RSU1: variants seen among roughly 807,000 people sequenced by gnomAD.
The protein encoded by RSU1 is rsu-1.
A neutral mutation model predicts 31.1 loss-of-function variants in RSU1; 26 were observed. That is an observed-to-expected ratio of 0.84 (90% CI 0.61 to 1.16). The LOEUF is 1.16. Ranked by LOEUF, RSU1 falls within the 50% of genes most tolerant of loss-of-function variation. The pLI is 0.00. For synonymous variants in RSU1, 164 were observed against 136.3 expected, an observed-to-expected ratio of 1.20 and a Z score of -1.41; for missense variants, 320 against 339.1, an observed-to-expected ratio of 0.94 and a Z score of 0.44.
chr10:16,726,267 CTTTTT>C lies in RSU1; in HGVS notation c.598+26267_598+26271del, dbSNP rs760586484. Among the ~76,000 whole-genome samples the C allele has an allele frequency of 6.9e-4, 94 of 137,082 alleles. 1 individual carries two copies. Among genetic ancestry groups the C allele is most frequent in the African/African-American group, 2.5e-3 (83 of 33,796 alleles). 89.9% of individuals were successfully genotyped at this position (137,082 alleles called of 152,430 possible). On this transcript the variant is annotated intron_variant, in intron 7 of 8. Transcript: ENST00000345264. ...CTTTCTGTCTATCTTAGGAACGTATCTTTTTTTTTTTTTTTTTTTGAGACAGAGTC... is the reference window on the plus strand; with the variant it reads ...CTTTCTGTCTATCTTAGGAACGTATCTTTTTTTTTTTTTTGAGACAGAGTC...
At chr10:16,782,197 T>C (rs932953443) in intron 2 of RSU1, 113 bp from the exon 3 acceptor site, 2 of 740,562 alleles carry the variant, frequency 2.7e-6, no homozygotes, top group Admixed American at 2.5e-5. Context: ...GTTGAAGCAC[T>C]ATCGCTCACC....
At chr10:16,787,700 G>GC (rs1374584387) in intron 2 of RSU1, among the ~76,000 whole-genome samples, 2 of 152,126 alleles carry the variant, frequency 1.3e-5, no homozygotes, top group African/African-American at 4.8e-5. Context: ...TCTCTTACCT[G>GC]CCCCCATGTA....
chr10:16,782,730 A>G (rs1214021211), intron 2 of RSU1, among the ~76,000 whole-genome samples: 1 of 152,150 alleles, frequency 6.6e-6, no homozygotes, highest in Non-Finnish European at 1.5e-5. Flanking sequence ...CTGCTCAGTA[A>G]GATTAGGTTT....
At chr10:16,613,174 A>G (rs980834726) in intron 8 of RSU1, among the ~76,000 whole-genome samples, 2 of 152,234 alleles carry the variant, frequency 1.3e-5, no homozygotes, top group Non-Finnish European at 2.9e-5. Context: ...ACTAACTCCA[A>G]AAGGCACACC....
chr10:16,778,543 G>GA (rs1343327919), intron 3 of RSU1, among the ~76,000 whole-genome samples: 3 of 151,752 alleles, frequency 2.0e-5, no homozygotes, highest in Non-Finnish European at 2.9e-5. Context: ...TTTGGAGAGA[G>GA]AAAAAAAACA....
intron 8 of RSU1, among the ~76,000 whole-genome samples, chr10:16,674,521 T>C (rs1464482485): frequency 6.6e-6 from 1 of 151,768 alleles, no homozygotes; most frequent in Non-Finnish European, 1.5e-5. Context: ...CCAGGCAATG[T>C]CTGAAGCTCC....
chr10:16,688,032 T>C (rs1835470589), intron 8 of RSU1, among the ~76,000 whole-genome samples: 1 of 152,142 alleles, frequency 6.6e-6, no homozygotes, highest in Non-Finnish European at 1.5e-5. Flanking sequence ...CTTCAAAAGT[T>C]AGTATTACAT....
At chr10:16,770,291 G>C (rs1837397663) in intron 3 of RSU1, among the ~76,000 whole-genome samples, 1 of 152,220 alleles carries the variant, frequency 6.6e-6, no homozygotes, top group Non-Finnish European at 1.5e-5. Flanking sequence ...CAGCCCACGG[G>C]AGGGTCAGGG....
intron 8 of RSU1, among the ~76,000 whole-genome samples, chr10:16,671,832 T>C (rs1158911687): frequency 6.6e-6 from 1 of 151,350 alleles, no homozygotes; most frequent in Non-Finnish European, 1.5e-5. Flanking sequence ...TTCACCATGT[T>C]GTCCAGGATG....
chr10:16,667,029 AAACAACAAC>A (rs56748832), intron 8 of RSU1, among the ~76,000 whole-genome samples: 19 of 150,910 alleles, frequency 1.3e-4, no homozygotes, highest in Middle Eastern at 3.2e-3. Flanking sequence ...AAAGCAAAAC[AAACAACAAC>A]AACAACAACA....
intron 8 of RSU1, among the ~76,000 whole-genome samples, chr10:16,669,750 A>G (rs1002192769): frequency 6.6e-6 from 1 of 152,184 alleles, no homozygotes; most frequent in Non-Finnish European, 1.5e-5. Context: ...CCTGCAAAGG[A>G]CATGATCTCA....
chr10:16,808,640 C>T (rs1431874729), intron 2 of RSU1, among the ~76,000 whole-genome samples: 1 of 152,054 alleles, frequency 6.6e-6, no homozygotes, highest in Non-Finnish European at 1.5e-5. Flanking sequence ...GTGTGAGAAG[C>T]ACTTACCACA....
intron 8 of RSU1, among the ~76,000 whole-genome samples, chr10:16,634,270 A>C (rs939346885): frequency 1.4e-4 from 22 of 152,242 alleles, no homozygotes; most frequent in African/African-American, 5.3e-4. Context: ...CTGGCTAGAG[A>C]GAGCCCAGGC....
chr10:16,794,831 GAATAA>G (rs1333979108), intron 2 of RSU1, among the ~76,000 whole-genome samples: 1 of 152,100 alleles, frequency 6.6e-6, no homozygotes, highest in Admixed American at 6.5e-5. Context: ...TTCCTATCTA[GAATAA>G]AATAAGACAC....
At chr10:16,677,118 G>T (rs1227908273) in intron 8 of RSU1, among the ~76,000 whole-genome samples, 1 of 152,166 alleles carries the variant, frequency 6.6e-6, no homozygotes, top group African/African-American at 2.4e-5. Flanking sequence ...CCCTTTGAGG[G>T]TATCAACATA....
rs778805311 is a variant in RSU1, at chr10:16,613,798, TA to T, written c.732-20303del. The stretch of plus-strand genomic sequence containing the variant: ...TTTTATTAAAATGTCTACAGCTCTT[TA>T]AAAAAAAAAAAAACAAAAAAAACAA... On this transcript the variant is annotated intron_variant, in intron 8 of 8. Coordinates refer to ENST00000345264, the MANE Select transcript of RSU1 (RefSeq NM_012425.4). Among the ~76,000 whole-genome samples, 359 of 136,334 alleles carry T rather than the reference TA, an allele frequency of 2.6e-3. 1 individual carries two copies. Among genetic ancestry groups the T allele is most frequent in the Admixed American group, 4.7e-3 (64 of 13,618 alleles). The allele number at this position is 136,334 out of a possible 152,430, so 89.4% of individuals were successfully genotyped here.
At chr10:16,652,163 A>G (rs552305032) in intron 8 of RSU1, among the ~76,000 whole-genome samples, 2 of 152,308 alleles carry the variant, frequency 1.3e-5, no homozygotes, top group South Asian at 2.1e-4. Context: ...AGGTTGTGCT[A>G]AACTGTAAAA....
chr10:16,716,089 A>T (rs942669967), intron 7 of RSU1, among the ~76,000 whole-genome samples: 15 of 152,228 alleles, frequency 9.9e-5, no homozygotes, highest in African/African-American at 3.6e-4. Flanking sequence ...AAAAGAATAA[A>T]ATCTCCTTAG....
intron 8 of RSU1, among the ~76,000 whole-genome samples, chr10:16,612,924 T>C (rs1307907833): frequency 6.6e-6 from 1 of 151,150 alleles, no homozygotes; most frequent in Non-Finnish European, 1.5e-5. Context: ...GTCCCCTTAA[T>C]TTGCTATTTT....
Sources: allele counts gnomAD v4.1 joint callset (sites outside exome capture counted in the v4.1 genomes callset), GRCh38; gene constraint gnomAD v4.1.1; transcripts MANE v1.5; gene names NCBI Gene and HGNC (gene_info 2026-07-23, HGNC 2026-07-21).